The following MARCHF10 variants were observed in gnomAD, a reference collection of about 807,000 sequenced individuals.
MARCHF10 encodes membrane associated ring-CH-type finger 10.
MARCHF10 carries 64 observed loss-of-function variants against 76.2 expected under a neutral mutation model. That is an observed-to-expected ratio of 0.84 (90% confidence interval 0.69 to 1.03). The LOEUF is 1.03. Among genes scored for constraint, MARCHF10 ranks in the 50% least tolerant of loss-of-function variants. MARCHF10 has a pLI of 0.00. For synonymous variants in MARCHF10, 340 were observed against 357.5 expected (o/e 0.95, Z 0.55); for missense variants, 875 against 958.0 (o/e 0.91, Z 1.14).
intron 8 of MARCHF10, among the ~76,000 whole-genome samples, chr17:62,716,122 G>A (rs114536511): frequency 0.014 from 2,104 of 152,246 alleles, 39 homozygotes; most frequent in African/African-American, 0.048. Context: ...AGAGCAAGTC[G>A]GAGTCCCACA....
At chr17:62,716,789 C>A (rs78511766) in intron 8 of MARCHF10, among the ~76,000 whole-genome samples, 9,802 of 152,134 alleles carry the variant, frequency 0.064, 839 homozygotes, top group African/African-American at 0.19. Context: ...AGCTGAAGCC[C>A]GTTCTAGGTT....
At chr17:62,779,643 T>C (rs1311217154) in intron 3 of MARCHF10, among the ~76,000 whole-genome samples, 1 of 152,220 alleles carries the variant, frequency 6.6e-6, no homozygotes, top group African/African-American at 2.4e-5. Flanking sequence ...ATGCAAAGCA[T>C]TGTGCTATGG....
intron 4 of MARCHF10, among the ~76,000 whole-genome samples, chr17:62,752,040 GAAGAA>G (rs2091912817): frequency 2.0e-5 from 3 of 149,676 alleles, no homozygotes; most frequent in African/African-American, 7.3e-5. Flanking sequence ...AAAAAAAAAA[GAAGAA>G]AAGAAAACCA....
intron 6 of MARCHF10, among the ~76,000 whole-genome samples, chr17:62,726,573 T>C (rs1364910855): frequency 2.0e-5 from 3 of 152,174 alleles, no homozygotes; most frequent in Non-Finnish European, 4.4e-5. Context: ...GAAGATAAAC[T>C]AGAGAGAGAT....
chr17:62,707,265 C>A (rs2089650857), intron 9 of MARCHF10, among the ~76,000 whole-genome samples: 1 of 152,244 alleles, frequency 6.6e-6, no homozygotes, highest in Admixed American at 6.5e-5. Context: ...TCCCGCCCCA[C>A]TCCCTGCCTG....
chr17:62,740,674 T>C (rs1259163707), intron 5 of MARCHF10, among the ~76,000 whole-genome samples: 3 of 152,108 alleles, frequency 2.0e-5, no homozygotes, highest in Non-Finnish European at 4.4e-5. Context: ...TTTTTTAATT[T>C]TAGAAACAGG....
chr17:62,773,262 C>T (rs900283696), intron 3 of MARCHF10, among the ~76,000 whole-genome samples: 1 of 152,030 alleles, frequency 6.6e-6, no homozygotes, highest in Non-Finnish European at 1.5e-5. Flanking sequence ...GACAGTGTGT[C>T]CAGGAGGGGC....
At chr17:62,780,629 G>T (rs916188169) in intron 3 of MARCHF10, among the ~76,000 whole-genome samples, 1 of 152,162 alleles carries the variant, frequency 6.6e-6, no homozygotes, top group Non-Finnish European at 1.5e-5. Context: ...ACCAGTGAAA[G>T]GACTAGAATC....
intron 4 of MARCHF10, chr17:62,746,909 A>G: frequency 6.5e-7 from 1 of 1,536,164 alleles, no homozygotes; most frequent in South Asian, 1.2e-5. Flanking sequence ...TTTCTTCCCC[A>G]GACTGCACCA....
intron 7 of MARCHF10, among the ~76,000 whole-genome samples, chr17:62,723,066 C>G (rs542648850): frequency 6.6e-6 from 1 of 151,274 alleles, no homozygotes; most frequent in Admixed American, 6.6e-5. Flanking sequence ...GCCTTTACTC[C>G]TGCCCAGGTA....
intron 5 of MARCHF10, among the ~76,000 whole-genome samples, chr17:62,743,621 C>T (rs2091595799): frequency 6.6e-6 from 1 of 152,026 alleles, no homozygotes. Context: ...CCAGCCTGGG[C>T]AACAGAGGGA....
chr17:62,735,677 A>T lies in MARCHF10; in HGVS notation c.1937+254T>A, dbSNP rs7225358. On this transcript the variant is annotated intron_variant, in intron 6 of 10. Coordinates refer to ENST00000311269, the MANE Select transcript of MARCHF10 (RefSeq NM_152598.4). ...GAGATCCTTATACCCAGCAGACTTA[A>T]GGGTGTGGTATTCAAGGAAAAAAAC... is the stretch of plus-strand genomic sequence containing the variant. 2,553 of 475,958 alleles carry T rather than the reference A, an allele frequency of 5.4e-3. 61 individuals carry two copies. The highest frequency in any genetic ancestry group is 0.045 in the African/African-American group (2,222 of 49,098). The allele number at this position is 475,958 out of a possible 1,614,324, so 29.5% of individuals were successfully genotyped here.
At chr17:62,725,434 A>T (rs1488779220) in intron 6 of MARCHF10, among the ~76,000 whole-genome samples, 1 of 152,086 alleles carries the variant, frequency 6.6e-6, no homozygotes, top group African/African-American at 2.4e-5. Flanking sequence ...TGGCTATTTT[A>T]AAAATTATTT....
chr17:62,794,758 T>C (rs894315940), intron 2 of MARCHF10, among the ~76,000 whole-genome samples: 14 of 152,354 alleles, frequency 9.2e-5, no homozygotes, highest in Non-Finnish European at 2.9e-5. Flanking sequence ...CCAGCCAGAA[T>C]GGCATCTGTT....
intron 3 of MARCHF10, among the ~76,000 whole-genome samples, chr17:62,782,892 T>G (rs546313676): frequency 7.3e-4 from 111 of 152,312 alleles, no homozygotes; most frequent in Non-Finnish European, 1.4e-3. Flanking sequence ...CACCCTGCCC[T>G]TCCTCTGCTT....
At chr17:62,764,279 C>A (rs999142373) in intron 3 of MARCHF10, among the ~76,000 whole-genome samples, 1 of 152,144 alleles carries the variant, frequency 6.6e-6, no homozygotes, top group Non-Finnish European at 1.5e-5. Context: ...TTCCAAGAAC[C>A]GGCAAACTGG....
At chr17:62,705,316 C>T in intron 10 of MARCHF10, 2 of 1,462,874 alleles carry the variant, frequency 1.4e-6, no homozygotes, top group East Asian at 2.5e-5. Flanking sequence ...CCTTTCCTTG[C>T]GTTCAGGATG....
intron 4 of MARCHF10, among the ~76,000 whole-genome samples, chr17:62,750,925 G>T (rs2091879140): frequency 6.6e-6 from 1 of 152,192 alleles, no homozygotes; most frequent in Non-Finnish European, 1.5e-5. Flanking sequence ...ACTTGGGTAA[G>T]GCTCTCTCCC....
At chr17:62,743,591 C>T (rs1295669950) in intron 5 of MARCHF10, among the ~76,000 whole-genome samples, 2 of 152,092 alleles carry the variant, frequency 1.3e-5, no homozygotes, top group South Asian at 2.1e-4. Flanking sequence ...TGCAGTGAGT[C>T]GAGCTGGTGC....
Sources: gnomAD v4.1 joint callset for allele counts (sites outside exome capture counted in the v4.1 genomes callset) on GRCh38, gnomAD v4.1.1 for gene constraint, MANE v1.5 for transcripts, NCBI Gene and HGNC (gene_info 2026-07-23, HGNC 2026-07-21) for gene names.